ATP2B1: variants seen among roughly 807,000 people sequenced by gnomAD.
The protein encoded by ATP2B1 is ATPase plasma membrane Ca2+ transporting 1.
ATP2B1 carries 14 observed loss-of-function variants against 124.2 expected under a neutral mutation model. That is an observed-to-expected ratio of 0.11 (90% CI 0.07 to 0.18). The LOEUF is 0.18. Ranked by LOEUF, ATP2B1 falls within the 10% of genes least tolerant of loss-of-function variation. ATP2B1 has a pLI of 1.00. For synonymous variants in ATP2B1, 449 were observed against 492.4 expected (o/e 0.91, Z 1.17); for missense variants, 763 against 1,466.1 (o/e 0.52, Z 7.83).
intron 1 of ATP2B1, among the ~76,000 whole-genome samples, chr12:89,692,349 C>T (rs1014347412): frequency 3.9e-5 from 6 of 152,080 alleles, no homozygotes; most frequent in Admixed American, 6.6e-5. Context: ...GGTTTCATTA[C>T]GACATTGATG....
At chr12:89,612,425 T>C (rs1458583082) in intron 12 of ATP2B1, among the ~76,000 whole-genome samples, 1 of 150,984 alleles carries the variant, frequency 6.6e-6, no homozygotes, top group Non-Finnish European at 1.5e-5. Flanking sequence ...ATGAAGAAAA[T>C]ATGCTGAAAA....
intron 1 of ATP2B1, among the ~76,000 whole-genome samples, chr12:89,686,603 T>G (rs1890001665): frequency 6.6e-6 from 1 of 152,116 alleles, no homozygotes; most frequent in African/African-American, 2.4e-5. Context: ...GAAATACTAC[T>G]GTAATAAATG....
At position 89,703,349 on chromosome 12, in the gene ATP2B1, TTC is replaced by T. The variant is rs529903531; in HGVS notation, c.-222+5245_-222+5246del. Among the ~76,000 whole-genome samples the T allele has an allele frequency of 2.5e-3, 375 of 152,362 alleles. 2 individuals are homozygous for T. The highest frequency in any genetic ancestry group is 3.6e-3 in the Non-Finnish European group (245 of 68,028). On this transcript the variant is annotated intron_variant, in intron 1 of 20. Coordinates refer to ENST00000428670, the MANE Select transcript of ATP2B1 (RefSeq NM_001366521.1). ...AACATTTAAGTGAGACAGCAGTAAC[TTC>T]TGTTTTAATGCATAAAATAGTAAAT...
chr12:89,687,798 C>T (rs1334558946), intron 1 of ATP2B1, among the ~76,000 whole-genome samples: 3 of 151,924 alleles, frequency 2.0e-5, no homozygotes, highest in African/African-American at 2.4e-5. Context: ...ACTTTTTAAA[C>T]GTTTAAATCA....
intron 1 of ATP2B1, among the ~76,000 whole-genome samples, chr12:89,692,505 C>T (rs531872256): frequency 6.6e-6 from 1 of 152,226 alleles, no homozygotes; most frequent in South Asian, 2.1e-4. Context: ...CCACTCATGA[C>T]CCTGAACTGG....
intron 1 of ATP2B1, among the ~76,000 whole-genome samples, chr12:89,656,735 G>A (rs1885996906): frequency 6.6e-6 from 1 of 152,092 alleles, no homozygotes; most frequent in African/African-American, 2.4e-5. Context: ...TATATGATTT[G>A]TCACATGTTA....
intron 1 of ATP2B1, among the ~76,000 whole-genome samples, chr12:89,684,233 C>T (rs367600307): frequency 2.6e-5 from 4 of 152,282 alleles, no homozygotes; most frequent in African/African-American, 7.2e-5. Context: ...AAGGAAAGGA[C>T]TGACTGTACA....
intron 1 of ATP2B1, among the ~76,000 whole-genome samples, chr12:89,687,294 AT>A (rs1197252306): frequency 6.6e-6 from 1 of 152,112 alleles, no homozygotes; most frequent in Non-Finnish European, 1.5e-5. Flanking sequence ...TGCCTACAAT[AT>A]TTAGTACAGT....
intron 1 of ATP2B1, among the ~76,000 whole-genome samples, chr12:89,687,743 T>C (rs1023263658): frequency 5.3e-5 from 8 of 152,142 alleles, no homozygotes; most frequent in Admixed American, 5.2e-4. Flanking sequence ...AAATAAATGC[T>C]GCTTAAACAG....
chr12:89,698,582 A>C (rs192876891), intron 1 of ATP2B1, among the ~76,000 whole-genome samples: 90 of 152,318 alleles, frequency 5.9e-4, no homozygotes, highest in African/African-American at 2.1e-3. Context: ...CATGCCTCAG[A>C]ACTCAAGTTT....
At chr12:89,699,195 T>A (rs1035272310) in intron 1 of ATP2B1, among the ~76,000 whole-genome samples, 2 of 152,206 alleles carry the variant, frequency 1.3e-5, no homozygotes, top group African/African-American at 4.8e-5. Context: ...GTCTACTAAG[T>A]CAACGCCTTC....
chr12:89,676,973 T>C (rs768117167), intron 1 of ATP2B1, among the ~76,000 whole-genome samples: 20 of 152,094 alleles, frequency 1.3e-4, no homozygotes, highest in Admixed American at 1.0e-3. Flanking sequence ...GTATGCATTA[T>C]GGACCAAAAA....
chr12:89,601,527 G>A (rs1875841207), intron 18 of ATP2B1, 94 bp from the exon 19 acceptor site: 3 of 689,730 alleles, frequency 4.3e-6, no homozygotes, highest in Admixed American at 7.2e-5. Context: ...CTAAAACAAG[G>A]TGAACAACCA....
At chr12:89,703,395 C>A (rs548347080) in intron 1 of ATP2B1, among the ~76,000 whole-genome samples, 1 of 152,260 alleles carries the variant, frequency 6.6e-6, no homozygotes, top group African/African-American at 2.4e-5. Context: ...AGTATGCTAT[C>A]ACTAATATTC....
At chr12:89,614,763 C>G (rs1353942763) in intron 12 of ATP2B1, among the ~76,000 whole-genome samples, 1 of 152,166 alleles carries the variant, frequency 6.6e-6, no homozygotes, top group African/African-American at 2.4e-5. Context: ...TCAACAATGT[C>G]AAAAACAGCG....
chr12:89,697,064 CAAAAAAAAA>C (rs59301153), intron 1 of ATP2B1, among the ~76,000 whole-genome samples: 2 of 114,262 alleles, frequency 1.8e-5, no homozygotes, highest in African/African-American at 6.5e-5. Context: ...CTACTTCCTT[CAAAAAAAAA>C]AAAAAAAAAA....
chr12:89,670,290 A>C (rs938679146), intron 1 of ATP2B1, among the ~76,000 whole-genome samples: 1 of 152,312 alleles, frequency 6.6e-6, no homozygotes, highest in Non-Finnish European at 1.5e-5. Flanking sequence ...AAAAATAATA[A>C]ATACGTTTAA....
chr12:89,613,535 C>CA (rs933532389), intron 12 of ATP2B1, among the ~76,000 whole-genome samples: 8 of 151,778 alleles, frequency 5.3e-5, no homozygotes, highest in East Asian at 1.9e-4. Context: ...ATTATTTTTT[C>CA]AAAAAAATCA....
In ATP2B1 at chr12:89,601,257, G is replaced by T; in HGVS notation, c.3168+69C>A. The stretch of plus-strand genomic sequence containing the variant: ...AGAATCAAGTAATGAAACTGTTAAA[G>T]AAAATACACACTAGAAATTAAAAAA... On this transcript the variant is annotated intron_variant, in intron 19 of 20. Coordinates refer to ENST00000428670, the MANE Select transcript of ATP2B1 (RefSeq NM_001366521.1). The T allele has an allele frequency of 1.2e-5, 13 of 1,097,316 alleles. No individual in the cohort carries two copies. The South Asian group carries it at 1.6e-4, about 13-fold the overall frequency. The allele number at this position is 1,097,316 out of a possible 1,614,324, so 68.0% of individuals were successfully genotyped here.
Sources: gnomAD v4.1 joint callset for allele counts (sites outside exome capture counted in the v4.1 genomes callset) on GRCh38, gnomAD v4.1.1 for gene constraint, MANE v1.5 for transcripts, NCBI Gene and HGNC (gene_info 2026-07-23, HGNC 2026-07-21) for gene names.